NAV2: variants seen among roughly 807,000 people sequenced by gnomAD.
The protein encoded by NAV2 is neuron navigator 2.
A neutral mutation model predicts 223.2 loss-of-function variants in NAV2; 54 were observed. The observed-to-expected ratio is 0.24, with a 90% confidence interval of 0.19 to 0.30. NAV2 has a LOEUF of 0.30. Ranked by LOEUF, NAV2 falls within the 10% of genes least tolerant of loss-of-function variation. The pLI is 1.00. For missense variants in NAV2, 2,806 were observed against 3,147.5 expected (o/e 0.89, Z 2.60); for synonymous variants, 1,279 against 1,239.3 (o/e 1.03, Z -0.67).
chr11:19,875,465 C>T (rs1317200134), intron 4 of NAV2, among the ~76,000 whole-genome samples: 1 of 152,190 alleles, frequency 6.6e-6, no homozygotes, highest in Non-Finnish European at 1.5e-5. Context: ...AGTACAGTTT[C>T]TACTGAATGC....
At chr11:19,989,783 C>T (rs1254642708) in intron 11 of NAV2, among the ~76,000 whole-genome samples, 4 of 152,082 alleles carry the variant, frequency 2.6e-5, no homozygotes, top group African/African-American at 4.8e-5. Context: ...GGTGAGTAAA[C>T]GTGCCCAGGG....
chr11:19,604,791 G>A (rs897512090), intron 1 of NAV2, among the ~76,000 whole-genome samples: 27 of 152,094 alleles, frequency 1.8e-4, no homozygotes, highest in African/African-American at 6.0e-4. Context: ...ACCTGGTCTG[G>A]GATTGAATTA....
At chr11:19,813,711 T>C (rs2058952866) in intron 1 of NAV2, among the ~76,000 whole-genome samples, 1 of 152,174 alleles carries the variant, frequency 6.6e-6, no homozygotes, top group African/African-American at 2.4e-5. Flanking sequence ...CCACAGTGCT[T>C]TGAACTAGAC....
chr11:19,589,216 G>A (rs1014442459), intron 1 of NAV2, among the ~76,000 whole-genome samples: 1 of 152,026 alleles, frequency 6.6e-6, no homozygotes, highest in Non-Finnish European at 1.5e-5. Context: ...CAGAATTTCA[G>A]GAAGACAAAA....
chr11:19,678,459 G>T (rs1189960778), intron 1 of NAV2, among the ~76,000 whole-genome samples: 1 of 152,184 alleles, frequency 6.6e-6, no homozygotes, highest in Non-Finnish European at 1.5e-5. Context: ...ACTGGGAGGG[G>T]TCAAGAGCTT....
At chr11:19,467,640 C>A (rs1463957735) in intron 1 of NAV2, among the ~76,000 whole-genome samples, 4 of 152,138 alleles carry the variant, frequency 2.6e-5, no homozygotes, top group Admixed American at 2.6e-4. Flanking sequence ...GTGTTTTGAT[C>A]CTTGTGAGGA....
At chr11:19,623,253 T>C (rs1289278654) in intron 1 of NAV2, among the ~76,000 whole-genome samples, 1 of 152,194 alleles carries the variant, frequency 6.6e-6, no homozygotes, top group East Asian at 1.9e-4. Context: ...TTGGAGTTGC[T>C]CTTCTAGAGG....
intron 1 of NAV2, among the ~76,000 whole-genome samples, chr11:19,392,813 A>G (rs866729952): frequency 2.6e-5 from 4 of 152,350 alleles, no homozygotes; most frequent in Non-Finnish European, 2.9e-5. Flanking sequence ...GTGATCTTGC[A>G]GTAAATCCAG....
At chr11:19,910,295 C>T (rs1044047564) in intron 6 of NAV2, among the ~76,000 whole-genome samples, 3 of 152,178 alleles carry the variant, frequency 2.0e-5, no homozygotes, top group Non-Finnish European at 4.4e-5. Flanking sequence ...AATCATTGAG[C>T]CCCTCTTTTA....
chr11:19,953,307 C>T (rs2047548345), intron 10 of NAV2, among the ~76,000 whole-genome samples: 1 of 152,322 alleles, frequency 6.6e-6, no homozygotes, highest in South Asian at 2.1e-4. Context: ...AATGCCTTAA[C>T]TGACTGTGGA....
chr11:19,530,458 A>G (rs2043996893), intron 1 of NAV2, among the ~76,000 whole-genome samples: 1 of 152,236 alleles, frequency 6.6e-6, no homozygotes, highest in African/African-American at 2.4e-5. Context: ...CAGCAATTGT[A>G]TGAAATAGAT....
chr11:19,721,539 A>G (rs1177592262), intron 1 of NAV2, among the ~76,000 whole-genome samples: 1 of 152,248 alleles, frequency 6.6e-6, no homozygotes, highest in Non-Finnish European at 1.5e-5. Flanking sequence ...ACAACAGGCC[A>G]GGGATCTTCA....
At chr11:20,049,740 T>A in intron 15 of NAV2, 96 bp from the exon 16 acceptor site, 1 of 1,181,914 alleles carries the variant, frequency 8.5e-7, no homozygotes, top group South Asian at 1.2e-5. Context: ...AAAGCGAGGA[T>A]CAGCATGGGG....
intron 1 of NAV2, among the ~76,000 whole-genome samples, chr11:19,450,364 G>A (rs1310912305): frequency 6.6e-6 from 1 of 152,150 alleles, no homozygotes; most frequent in Admixed American, 6.5e-5. Context: ...CTAAAGACCA[G>A]CTCCTTGAGC....
chr11:20,018,284 G>A (rs1242842569), intron 11 of NAV2, among the ~76,000 whole-genome samples: 2 of 149,590 alleles, frequency 1.3e-5, no homozygotes, highest in Admixed American at 6.7e-5. Flanking sequence ...AACCCGGGAG[G>A]TGGAGGTTGC....
intron 1 of NAV2, among the ~76,000 whole-genome samples, chr11:19,536,112 T>C (rs1403528526): frequency 1.3e-5 from 2 of 152,112 alleles, no homozygotes; most frequent in Non-Finnish European, 2.9e-5. Flanking sequence ...ACGTGCCAAG[T>C]CTTATGTTGA....
At chr11:19,874,133 A>G (rs2062701450) in intron 4 of NAV2, among the ~76,000 whole-genome samples, 1 of 152,208 alleles carries the variant, frequency 6.6e-6, no homozygotes, top group Non-Finnish European at 1.5e-5. Context: ...CTCTTTAAAA[A>G]TGTTGAAAGA....
At chr11:19,614,077 C>T (rs1332234032) in intron 1 of NAV2, among the ~76,000 whole-genome samples, 1 of 152,154 alleles carries the variant, frequency 6.6e-6, no homozygotes, top group Admixed American at 6.5e-5. Flanking sequence ...CTGCAGGGTG[C>T]TGTACAGATA....
intron 27 of NAV2, 100 bp from the exon 28 acceptor site, chr11:20,092,106 C>A (rs2060893514): frequency 8.4e-7 from 1 of 1,193,768 alleles, no homozygotes; most frequent in African/African-American, 1.5e-5. Flanking sequence ...GGTGGAAGAC[C>A]AGCCTGGTTT....
Sources: gnomAD v4.1 joint callset for allele counts (sites outside exome capture counted in the v4.1 genomes callset) on GRCh38, gnomAD v4.1.1 for gene constraint, MANE v1.5 for transcripts, NCBI Gene and HGNC (gene_info 2026-07-23, HGNC 2026-07-21) for gene names.